CDH1: variants seen among roughly 807,000 people sequenced by gnomAD.
CDH1 encodes cadherin-1.
In CDH1, 35 loss-of-function variants were observed where a neutral mutation model predicts 84.5. That is an observed-to-expected ratio of 0.41 (90% CI 0.32 to 0.55). The LOEUF is 0.55. CDH1 is among the 20% of genes least tolerant of loss of function. CDH1 has a pLI of 0.19. For missense variants in CDH1, 994 were observed against 1,126.6 expected, an observed-to-expected ratio of 0.88 and a Z score of 1.68; for synonymous variants, 417 against 439.0, an observed-to-expected ratio of 0.95 and a Z score of 0.63.
intron 3 of CDH1, among the ~76,000 whole-genome samples, chr16:68,802,624 C>G (rs927778399): frequency 2.0e-4 from 30 of 152,098 alleles, no homozygotes; most frequent in African/African-American, 5.6e-4. Flanking sequence ...GCGCCCGCCA[C>G]CATACCCGGC....
chr16:68,787,825 A>ATTTTTTTTTTTTT (rs58676133), intron 2 of CDH1, among the ~76,000 whole-genome samples: 1 of 102,354 alleles, frequency 9.8e-6, no homozygotes, highest in Non-Finnish European at 1.9e-5. Context: ...CGCCCGGCTA[A>ATTTTTTTTTTTTT]TTTTTTTTTT....
chr16:68,772,689 C>T (rs1030159767), intron 2 of CDH1, among the ~76,000 whole-genome samples: 6 of 152,174 alleles, frequency 3.9e-5, no homozygotes, highest in African/African-American at 1.4e-4. Context: ...AATCCCAGTA[C>T]TTTGGGAGGC....
intron 6 of CDH1, 85 bp downstream of exon 6, chr16:68,810,426 T>C (rs1417739527): frequency 2.2e-6 from 3 of 1,339,426 alleles, no homozygotes; most frequent in Non-Finnish European, 3.2e-6. Flanking sequence ...CCAAAGGTTG[T>C]GTAACTAAAG....
At chr16:68,803,318 C>T (rs1960566636) in intron 3 of CDH1, among the ~76,000 whole-genome samples, 1 of 152,106 alleles carries the variant, frequency 6.6e-6, no homozygotes, top group Admixed American at 6.6e-5. Flanking sequence ...CTCCAAGGGT[C>T]CCCATCATTC....
intron 11 of CDH1, among the ~76,000 whole-genome samples, chr16:68,819,700 G>C (rs971943278): frequency 6.6e-6 from 1 of 151,806 alleles, no homozygotes; most frequent in Non-Finnish European, 1.5e-5. Context: ...CCCACCCCTT[G>C]GACCCTTCCC....
intron 2 of CDH1, among the ~76,000 whole-genome samples, chr16:68,745,743 C>T (rs1036706512): frequency 3.3e-5 from 5 of 151,752 alleles, no homozygotes; most frequent in African/African-American, 9.7e-5. Context: ...ACCTAGGGCA[C>T]TTCATGCAGA....
intron 2 of CDH1, among the ~76,000 whole-genome samples, chr16:68,748,587 A>G (rs1341786635): frequency 4.6e-5 from 7 of 152,234 alleles, no homozygotes; most frequent in African/African-American, 1.7e-4. Flanking sequence ...TATTTCAGAC[A>G]GTAACCTGGG....
intron 7 of CDH1, 112 bp from the exon 8 acceptor site, chr16:68,812,023 A>C (rs1452720883): frequency 6.5e-7 from 1 of 1,546,252 alleles, no homozygotes. Flanking sequence ...GAAGACAGGC[A>C]GGCTGGCATG....
chr16:68,764,449 C>A (rs1441494262), intron 2 of CDH1, among the ~76,000 whole-genome samples: 1 of 152,178 alleles, frequency 6.6e-6, no homozygotes. Context: ...TGGTGCTGTG[C>A]ACCTGTAGTC....
chr16:68,787,351 G>A lies in CDH1; in HGVS notation c.164-14319G>A, dbSNP rs373303633. The stretch of plus-strand genomic sequence containing the variant: ...CTTGAGCAAATGACTTAAGCCTTTC[G>A]CCTCAGTTGCTCATCAGCATTAAGG... On this transcript the variant is annotated intron_variant, in intron 2 of 15. Transcript: ENST00000261769. Among the ~76,000 whole-genome samples the A allele has an allele frequency of 1.4e-4, 21 of 152,250 alleles. 1 individual carries two copies. The highest frequency in any genetic ancestry group is 4.2e-4 in the South Asian group (2 of 4,818).
intron 2 of CDH1, among the ~76,000 whole-genome samples, chr16:68,787,137 G>C (rs1050293551): frequency 2.6e-5 from 4 of 152,126 alleles, no homozygotes; most frequent in Admixed American, 1.3e-4. Context: ...TTTATATCTG[G>C]GTTGTGTTTT....
intron 2 of CDH1, among the ~76,000 whole-genome samples, chr16:68,784,106 T>G (rs1959970324): frequency 6.6e-6 from 1 of 152,216 alleles, no homozygotes; most frequent in African/African-American, 2.4e-5. Context: ...TCCGTATATC[T>G]GCCCTGATGC....
chr16:68,792,227 C>T (rs1390840462), intron 2 of CDH1, among the ~76,000 whole-genome samples: 1 of 136,728 alleles, frequency 7.3e-6, no homozygotes, highest in Non-Finnish European at 1.5e-5. Context: ...GGCCTAAACA[C>T]TGACTTTTTT....
intron 2 of CDH1, among the ~76,000 whole-genome samples, chr16:68,762,688 C>T (rs188449956): frequency 2.7e-3 from 418 of 152,238 alleles, no homozygotes; most frequent in Middle Eastern, 6.8e-3. Context: ...GCCAGAGGAT[C>T]ACCTGAAGTC....
chr16:68,811,534 T>C, intron 6 of CDH1, 150 bp from the exon 7 acceptor site: 1 of 700,086 alleles, frequency 1.4e-6, no homozygotes, highest in South Asian at 1.6e-5. Flanking sequence ...CCCTAGCACT[T>C]TGGTAAGAAT....
At chr16:68,815,812 T>C in intron 10 of CDH1, 53 bp downstream of exon 10, 1 of 1,591,908 alleles carries the variant, frequency 6.3e-7, no homozygotes, top group Non-Finnish European at 8.6e-7. Flanking sequence ...TTTTATATCA[T>C]TTTATATGTA....
rs1567515317 is a variant in CDH1, at chr16:68,828,169, C to T, written c.2165-5C>T. ...ACACTTGCTCTGTCTCCCCCACCAT[C>T]CCAGTTCTGATTCTGCTGCTCTTGC... On this transcript the variant is annotated splice_region_variant and splice_polypyrimidine_tract_variant and intron_variant, in intron 13 of 15. Transcript: ENST00000261769. The T allele has an allele frequency of 2.5e-6, 4 of 1,613,792 alleles. No individual in the cohort carries two copies. Among genetic ancestry groups the T allele is most frequent in the Non-Finnish European group, 3.4e-6 (4 of 1,179,812 alleles).
rs1255571475 is a variant in CDH1 at position 68,774,381 on chromosome 16, G to A, written c.164-27289G>A. 3.9e-5 allele frequency among the ~76,000 whole-genome samples: 6 copies of A among 152,238 alleles called. 1 individual carries two copies. The highest frequency in any genetic ancestry group is 4.1e-4 in the South Asian group (2 of 4,822). On this transcript the variant is annotated intron_variant, in intron 2 of 15. Transcript: ENST00000261769. ...CTAATAATACAAAAATTAGCTGGGCGTGGCGGTGGGTGCCTTTAATCCCAG... is the reference window on the plus strand; with the variant it reads ...CTAATAATACAAAAATTAGCTGGGCATGGCGGTGGGTGCCTTTAATCCCAG...
chr16:68,819,176 A>G (rs930156178), intron 10 of CDH1, 104 bp from the exon 11 acceptor site: 1 of 1,355,026 alleles, frequency 7.4e-7, no homozygotes, highest in Non-Finnish European at 1.1e-6. Context: ...TTTCAAAATA[A>G]AAACGTTGGA....
Sources: gnomAD v4.1 joint callset for allele counts (sites outside exome capture counted in the v4.1 genomes callset) on GRCh38, gnomAD v4.1.1 for gene constraint, MANE v1.5 for transcripts, NCBI Gene and HGNC (gene_info 2026-07-23, HGNC 2026-07-21) for gene names.